The following RBMS3 variants were observed in gnomAD, a reference collection of about 807,000 sequenced individuals.
RBMS3 encodes the protein RNA-binding motif, single-stranded-interacting protein 3.
RBMS3 carries 27 observed loss-of-function variants against 66.8 expected under a neutral mutation model. The ratio of observed to expected loss-of-function variants is 0.40; its 90% CI spans 0.30 to 0.56. The LOEUF (loss-of-function observed/expected upper bound fraction) is 0.56, where lower values mean the gene tolerates loss of function less well. Among genes scored for constraint, RBMS3 ranks in the 20% least tolerant of loss-of-function variants. The probability of loss-of-function intolerance (pLI) is 0.40; values close to 1 mark genes in which losing one functional copy is unlikely to be tolerated. For missense variants in RBMS3, 513 were observed against 549.5 expected, an observed-to-expected ratio of 0.93 and a Z score of 0.66; for synonymous variants, 188 against 183.0, an observed-to-expected ratio of 1.03 and a Z score of -0.22.
chr3:29,662,020 AT>A (rs1299890726), intron 4 of RBMS3, among the ~76,000 whole-genome samples: 1 of 152,166 alleles, frequency 6.6e-6, no homozygotes, highest in Non-Finnish European at 1.5e-5. Flanking sequence ...CAACAGTCCT[AT>A]TTATCATTTT....
chr3:29,711,975 G>A (rs1576590422), intron 4 of RBMS3, among the ~76,000 whole-genome samples: 1 of 152,300 alleles, frequency 6.6e-6, no homozygotes, highest in East Asian at 1.9e-4. Flanking sequence ...CAGAGACACT[G>A]TGCTTTTAAG....
intron 6 of RBMS3, among the ~76,000 whole-genome samples, chr3:29,779,444 A>G (rs1225431546): frequency 6.6e-6 from 1 of 151,580 alleles, no homozygotes; most frequent in East Asian, 1.9e-4. Flanking sequence ...TGGGCCAAAG[A>G]AGCCATGGAC....
intron 4 of RBMS3, among the ~76,000 whole-genome samples, chr3:29,703,046 A>C (rs1001445661): frequency 3.9e-5 from 6 of 152,250 alleles, no homozygotes; most frequent in Non-Finnish European, 5.9e-5. Flanking sequence ...ACTGATGCAG[A>C]CGATGTTTTG....
chr3:29,973,990 C>G (rs767917264), intron 12 of RBMS3, among the ~76,000 whole-genome samples: 14 of 151,892 alleles, frequency 9.2e-5, no homozygotes, highest in Non-Finnish European at 1.9e-4. Context: ...CCTACCCTGG[C>G]TAACTCTTCT....
chr3:29,389,975 T>C (rs1341915220), intron 1 of RBMS3, among the ~76,000 whole-genome samples: 1 of 152,162 alleles, frequency 6.6e-6, no homozygotes, highest in Non-Finnish European at 1.5e-5. Flanking sequence ...CACTATACTT[T>C]ATTTAGATTT....
intron 6 of RBMS3, 52 bp from the exon 7 acceptor site, chr3:29,868,806 T>G: frequency 7.0e-7 from 1 of 1,419,586 alleles, no homozygotes. Context: ...ACATAATCAC[T>G]TAGTTTTTAA....
chr3:29,528,556 C>A (rs1346784003), intron 3 of RBMS3, among the ~76,000 whole-genome samples: 1 of 152,130 alleles, frequency 6.6e-6, no homozygotes, highest in Non-Finnish European at 1.5e-5. Context: ...TGCTCCTGAC[C>A]TTAGGAATAT....
chr3:29,286,283 T>C (rs1481485398), intron 1 of RBMS3, among the ~76,000 whole-genome samples: 1 of 152,078 alleles, frequency 6.6e-6, no homozygotes, highest in East Asian at 1.9e-4. Context: ...GGGCCATCCT[T>C]GTTTCTTAGT....
At chr3:29,849,234 T>C (rs2058869380) in intron 6 of RBMS3, among the ~76,000 whole-genome samples, 1 of 150,516 alleles carries the variant, frequency 6.6e-6, no homozygotes, top group Non-Finnish European at 1.5e-5. Context: ...AGCAGGCCAA[T>C]GTTGAGCGTA....
intron 1 of RBMS3, among the ~76,000 whole-genome samples, chr3:29,360,562 T>TC (rs1444757799): frequency 6.6e-6 from 1 of 152,034 alleles, no homozygotes; most frequent in East Asian, 1.9e-4. Context: ...GTCTATTAGG[T>TC]CTGCTTGGTG....
intron 2 of RBMS3, among the ~76,000 whole-genome samples, chr3:29,465,345 G>C (rs1411229261): frequency 1.3e-5 from 2 of 152,136 alleles, no homozygotes; most frequent in Non-Finnish European, 2.9e-5. Context: ...ACATTTTAAT[G>C]AGTGTTTCTA....
intron 3 of RBMS3, among the ~76,000 whole-genome samples, chr3:29,577,924 C>T (rs188568644): frequency 1.3e-5 from 2 of 152,144 alleles, no homozygotes; most frequent in Non-Finnish European, 2.9e-5. Flanking sequence ...TTTCTGTGTG[C>T]AGATAGTTGC....
intron 2 of RBMS3, among the ~76,000 whole-genome samples, chr3:29,450,902 TACACAC>T (rs140249632): frequency 1.0e-3 from 89 of 85,384 alleles, no homozygotes; most frequent in Middle Eastern, 5.6e-3. Flanking sequence ...AACACACAGA[TACACAC>T]ACACACACAC....
intron 1 of RBMS3, among the ~76,000 whole-genome samples, chr3:29,317,983 T>C (rs2034790316): frequency 6.6e-6 from 1 of 151,940 alleles, no homozygotes; most frequent in East Asian, 1.9e-4. Context: ...TTAATTTTTT[T>C]CCCAAGAATT....
intron 10 of RBMS3, among the ~76,000 whole-genome samples, chr3:29,935,613 A>G (rs2061246641): frequency 6.6e-6 from 1 of 152,158 alleles, no homozygotes; most frequent in Non-Finnish European, 1.5e-5. Flanking sequence ...CATGTGGGCC[A>G]GCATTATCCC....
intron 10 of RBMS3, among the ~76,000 whole-genome samples, chr3:29,915,254 G>A (rs879259835): frequency 2.8e-4 from 42 of 151,860 alleles, no homozygotes; most frequent in African/African-American, 8.2e-4. Context: ...GCTTTAAACC[G>A]TGTTTTTCTC....
At chr3:29,449,286 A>C (rs1233212252) in intron 2 of RBMS3, among the ~76,000 whole-genome samples, 1 of 152,140 alleles carries the variant, frequency 6.6e-6, no homozygotes, top group African/African-American at 2.4e-5. Context: ...GGGGAAAAAA[A>C]CTCTTCAGCA....
intron 6 of RBMS3, among the ~76,000 whole-genome samples, chr3:29,780,066 C>T: frequency 6.6e-6 from 1 of 151,540 alleles, no homozygotes; most frequent in East Asian, 1.9e-4. Flanking sequence ...TACTGAAATT[C>T]AAAGATAAAG....
intron 6 of RBMS3, among the ~76,000 whole-genome samples, chr3:29,866,534 T>C (rs2059367545): frequency 6.6e-6 from 1 of 152,192 alleles, no homozygotes; most frequent in African/African-American, 2.4e-5. Flanking sequence ...ACCATCCCAT[T>C]TTAATACCTG....
Sources: allele counts gnomAD v4.1 joint callset (sites outside exome capture counted in the v4.1 genomes callset), GRCh38; gene constraint gnomAD v4.1.1; transcripts MANE v1.5; gene names NCBI Gene and HGNC (gene_info 2026-07-23, HGNC 2026-07-21).